MAP2K6: variants seen among roughly 807,000 people sequenced by gnomAD.
The protein encoded by MAP2K6 is dual specificity mitogen-activated protein kinase kinase 6.
MAP2K6 carries 16 observed loss-of-function variants against 53.7 expected under a neutral mutation model. That is an observed-to-expected ratio of 0.30 (90% confidence interval 0.20 to 0.45). The LOEUF (loss-of-function observed/expected upper bound fraction) is 0.45, where lower values mean the gene tolerates loss of function less well. MAP2K6 is among the 20% of genes least tolerant of loss of function. The probability of loss-of-function intolerance (pLI) is 1.00; values close to 1 mark genes in which losing one functional copy is unlikely to be tolerated. For synonymous variants in MAP2K6, 132 were observed against 143.1 expected, an observed-to-expected ratio of 0.92 and a Z score of 0.55; for missense variants, 204 against 411.9, an observed-to-expected ratio of 0.50 and a Z score of 4.37.
intron 1 of MAP2K6, among the ~76,000 whole-genome samples, chr17:69,436,377 A>G (rs1906641933): frequency 1.3e-5 from 2 of 152,300 alleles, no homozygotes; most frequent in Non-Finnish European, 2.9e-5. Context: ...AATATTTTTT[A>G]TATAGTTTTA....
At chr17:69,475,477 T>A (rs1342151278) in intron 1 of MAP2K6, among the ~76,000 whole-genome samples, 4 of 152,162 alleles carry the variant, frequency 2.6e-5, no homozygotes, top group Non-Finnish European at 2.9e-5. Context: ...CCTGTGTTTG[T>A]TTAAAAATGA....
chr17:69,466,839 T>C (rs1356433113), intron 1 of MAP2K6, among the ~76,000 whole-genome samples: 1 of 152,222 alleles, frequency 6.6e-6, no homozygotes, highest in Non-Finnish European at 1.5e-5. Context: ...TCACTTATGT[T>C]ATCAGTTAAA....
intron 1 of MAP2K6, among the ~76,000 whole-genome samples, chr17:69,491,987 A>T (rs751852174): frequency 7.2e-5 from 11 of 152,002 alleles, no homozygotes; most frequent in Non-Finnish European, 1.6e-4. Context: ...TCCTTTGCCC[A>T]CTTTTTAATG....
In MAP2K6 at chr17:69,496,336, A is replaced by G. The variant is rs1421937044; in HGVS notation, c.17-9444A>G. On this transcript the variant is annotated intron_variant, in intron 1 of 11. Transcript: ENST00000590474. ...TCCCAGGCTGGAGTGCAGTGGTGCG[A>G]TCTCGGCTCACTGCAACCTCTGCCT... Among the ~76,000 whole-genome samples the G allele has an allele frequency of 2.0e-5, 3 of 147,548 alleles. No individual in the cohort carries two copies. The East Asian group carries it at 6.0e-4, about 30-fold the overall frequency.
intron 1 of MAP2K6, among the ~76,000 whole-genome samples, chr17:69,450,137 C>G (rs1429500204): frequency 1.3e-4 from 18 of 140,104 alleles, no homozygotes; most frequent in Non-Finnish European, 6.1e-5. Context: ...AATTTTAGTA[C>G]AGACGGTGTT....
rs1912142939 is a variant in MAP2K6, at chr17:69,552,540, G to T, written c.*10787G>T. On this transcript the variant is annotated 3_prime_UTR_variant, in exon 12 of 12. Transcript: ENST00000590474. ...ACTCATTAGAAGTTTATAAAGTAAA[G>T]ACCTGTAAAGCATGTGGGTGGAATG... is the stretch of plus-strand genomic sequence containing the variant. 1 of 152,144 alleles carries T rather than the reference G, an allele frequency of 6.6e-6. No homozygotes were observed. Among genetic ancestry groups the T allele is most frequent in the Admixed American group, 6.5e-5 (1 of 15,268 alleles). 9.4% of individuals were successfully genotyped at this position (152,144 alleles called of 1,614,324 possible).
chr17:69,422,380 C>A (rs746503533), intron 1 of MAP2K6, among the ~76,000 whole-genome samples: 2 of 152,152 alleles, frequency 1.3e-5, no homozygotes. Context: ...GATCCACCCA[C>A]CTCGGCCTCC....
At chr17:69,505,977 C>T in intron 2 of MAP2K6, 131 bp downstream of exon 2, 1 of 690,626 alleles carries the variant, frequency 1.4e-6, no homozygotes, top group South Asian at 1.8e-5. Context: ...CATTTGCTCA[C>T]TGTTCTGAGA....
chr17:69,441,866 C>T (rs1208958780), intron 1 of MAP2K6, among the ~76,000 whole-genome samples: 1 of 152,110 alleles, frequency 6.6e-6, no homozygotes, highest in Non-Finnish European at 1.5e-5. Context: ...GAAGGGACTC[C>T]CTGTTACTGA....
chr17:69,498,824 C>G (rs1355956313), intron 1 of MAP2K6, among the ~76,000 whole-genome samples: 1 of 152,130 alleles, frequency 6.6e-6, no homozygotes, highest in Non-Finnish European at 1.5e-5. Flanking sequence ...CACAGCGTGA[C>G]TGAGAGGTGG....
intron 9 of MAP2K6, among the ~76,000 whole-genome samples, chr17:69,525,797 G>A (rs112258227): frequency 9.8e-4 from 149 of 152,332 alleles, no homozygotes; most frequent in African/African-American, 3.3e-3. Flanking sequence ...TTCAAGATGA[G>A]ATTTGGGTGG....
At chr17:69,460,389 G>A (rs1035317754) in intron 1 of MAP2K6, among the ~76,000 whole-genome samples, 1 of 152,150 alleles carries the variant, frequency 6.6e-6, no homozygotes, top group Non-Finnish European at 1.5e-5. Flanking sequence ...AGCAAGACCC[G>A]GAGGTGTGAG....
At chr17:69,443,900 A>G (rs1906894683) in intron 1 of MAP2K6, among the ~76,000 whole-genome samples, 1 of 152,198 alleles carries the variant, frequency 6.6e-6, no homozygotes, top group African/African-American at 2.4e-5. Context: ...GGCCTGGGAA[A>G]AGCAAAGGAG....
At chr17:69,424,450 C>T (rs1906199671) in intron 1 of MAP2K6, among the ~76,000 whole-genome samples, 1 of 152,178 alleles carries the variant, frequency 6.6e-6, no homozygotes, top group Non-Finnish European at 1.5e-5. Flanking sequence ...CATTTACTCT[C>T]ACTATGGATC....
intron 1 of MAP2K6, among the ~76,000 whole-genome samples, chr17:69,439,303 A>G (rs1243547083): frequency 2.0e-5 from 3 of 152,298 alleles, no homozygotes; most frequent in Non-Finnish European, 4.4e-5. Context: ...GATTGAGTCT[A>G]TCTAAAATAG....
intron 1 of MAP2K6, among the ~76,000 whole-genome samples, chr17:69,456,136 C>T (rs1193226127): frequency 6.6e-6 from 1 of 152,172 alleles, no homozygotes; most frequent in African/African-American, 2.4e-5. Context: ...GCTGGGATTA[C>T]AGGCGTGAGC....
At chr17:69,490,424 G>C (rs1202654180) in intron 1 of MAP2K6, among the ~76,000 whole-genome samples, 1 of 152,162 alleles carries the variant, frequency 6.6e-6, no homozygotes, top group East Asian at 1.9e-4. Context: ...TAGCAATGCA[G>C]GATCACAAGA....
At chr17:69,532,699 A>G (rs1453950509) in intron 10 of MAP2K6, among the ~76,000 whole-genome samples, 5 of 152,192 alleles carry the variant, frequency 3.3e-5, no homozygotes, top group Non-Finnish European at 5.9e-5. Flanking sequence ...GGGTTATATC[A>G]GTTCCATTAA....
At chr17:69,517,682 C>A (rs1910235280) in intron 4 of MAP2K6, 69 bp downstream of exon 4, 2 of 1,070,078 alleles carry the variant, frequency 1.9e-6, no homozygotes, top group Non-Finnish European at 2.6e-6. Context: ...AATTGTCAAC[C>A]AGCCCTTTTA....
Sources: allele counts gnomAD v4.1 joint callset (sites outside exome capture counted in the v4.1 genomes callset), GRCh38; gene constraint gnomAD v4.1.1; transcripts MANE v1.5; gene names NCBI Gene and HGNC (gene_info 2026-07-23, HGNC 2026-07-21).